IFT80: variants seen among roughly 807,000 people sequenced by gnomAD.
IFT80 encodes intraflagellar transport 80.
Under a neutral mutation model 107.9 loss-of-function variants are expected in IFT80, and 79 were observed. That is an observed-to-expected ratio of 0.73 (90% confidence interval 0.61 to 0.88). The LOEUF (loss-of-function observed/expected upper bound fraction) is 0.88, where lower values mean the gene tolerates loss of function less well. IFT80 is among the 40% of genes least tolerant of loss of function. The pLI, the probability that IFT80 is intolerant of heterozygous loss-of-function variation, is 0.00. For synonymous variants in IFT80, 299 were observed against 300.9 expected, an observed-to-expected ratio of 0.99 and a Z score of 0.07; for missense variants, 797 against 914.2, an observed-to-expected ratio of 0.87 and a Z score of 1.65.
At chr3:160,376,124 G>A (rs921110822) in intron 4 of IFT80, among the ~76,000 whole-genome samples, 2 of 152,124 alleles carry the variant, frequency 1.3e-5, no homozygotes, top group Non-Finnish European at 2.9e-5. Context: ...TAACTTTCAT[G>A]ACGAAAATTT....
chr3:160,277,732 G>T, intron 16 of IFT80, 62 bp from the exon 17 acceptor site: 1 of 1,075,490 alleles, frequency 9.3e-7, no homozygotes, highest in Non-Finnish European at 1.4e-6. Flanking sequence ...AAAATAAGCA[G>T]TGATTTAAAT....
At chr3:160,258,783 A>G in intron 19 of IFT80, 148 bp from the exon 20 acceptor site, 1 of 1,119,658 alleles carries the variant, frequency 8.9e-7, no homozygotes, top group Middle Eastern at 2.9e-4. Context: ...AGAAAAAGAG[A>G]GCATCAAAGT....
At chr3:160,298,629 A>T (rs1716174004) in intron 12 of IFT80, among the ~76,000 whole-genome samples, 1 of 152,208 alleles carries the variant, frequency 6.6e-6, no homozygotes, top group South Asian at 2.1e-4. Flanking sequence ...TTGGGAACAC[A>T]TATACTGCCA....
chr3:160,303,703 A>G (rs1716613139), intron 11 of IFT80, among the ~76,000 whole-genome samples: 1 of 152,228 alleles, frequency 6.6e-6, no homozygotes, highest in African/African-American at 2.4e-5. Flanking sequence ...TAATTTTCTA[A>G]GACTGTTAAG....
At chr3:160,354,110 A>G (rs532865992) in intron 8 of IFT80, among the ~76,000 whole-genome samples, 3 of 152,306 alleles carry the variant, frequency 2.0e-5, no homozygotes, top group East Asian at 1.9e-4. Context: ...ACTAAAATTG[A>G]CAATGTAAGA....
intron 9 of IFT80, among the ~76,000 whole-genome samples, chr3:160,313,729 C>T (rs1326711164): frequency 6.6e-6 from 1 of 151,794 alleles, no homozygotes; most frequent in African/African-American, 2.4e-5. Flanking sequence ...CCTGCCTCAG[C>T]CTTCTGAGTA....
At chr3:160,298,106 G>T (rs143136285) in intron 12 of IFT80, among the ~76,000 whole-genome samples, 1 of 152,034 alleles carries the variant, frequency 6.6e-6, no homozygotes, top group Non-Finnish European at 1.5e-5. Context: ...ACCAAAAGGG[G>T]TACTCAAACC....
In IFT80 at chr3:160,310,966, A is replaced by AT. The variant is rs1384647280; in HGVS notation, c.958-3186_958-3185insA. ...GAGACCCTGTCTCTACAAAAAACAA[A>AT]CAAAAAAAATTAGCTAGGTGTGGTG... On this transcript the variant is annotated intron_variant, in intron 9 of 19. Transcript: ENST00000326448. Among the ~76,000 whole-genome samples the AT allele has an allele frequency of 2.6e-5, 4 of 152,074 alleles. No individual in the cohort carries two copies. The East Asian group carries it at 7.7e-4, about 29-fold the overall frequency.
At chr3:160,393,115 T>C (rs1466808617) in intron 1 of IFT80, among the ~76,000 whole-genome samples, 1 of 152,150 alleles carries the variant, frequency 6.6e-6, no homozygotes, top group Non-Finnish European at 1.5e-5. Context: ...CTGAACACTC[T>C]TCAGTGGCTT....
chr3:160,397,053 G>T (rs1392551919), intron 1 of IFT80, among the ~76,000 whole-genome samples: 1 of 152,078 alleles, frequency 6.6e-6, no homozygotes, highest in East Asian at 1.9e-4. Flanking sequence ...GTGACTTATC[G>T]TTCTTCCTAT....
intron 13 of IFT80, among the ~76,000 whole-genome samples, chr3:160,284,973 T>C (rs1296811478): frequency 6.6e-6 from 1 of 152,138 alleles, no homozygotes; most frequent in Non-Finnish European, 1.5e-5. Context: ...ATAGGTATAG[T>C]AGGGAGACTA....
At position 160,281,786 on chromosome 3, in the gene IFT80, C is replaced by T. The variant is rs565789087; in HGVS notation, c.1516+692G>A. Among the ~76,000 whole-genome samples the T allele has an allele frequency of 1.4e-4, 21 of 152,182 alleles. No individual in the cohort carries two copies. In the South Asian group the frequency reaches 3.5e-3, roughly 26 times the overall value. On this transcript the variant is annotated intron_variant, in intron 14 of 19. Transcript: ENST00000326448. The stretch of plus-strand genomic sequence containing the variant: ...TTAGTAAACACACTGTGCATGTGGC[C>T]CCTCCCAGGTGTTGGCAGGCCACTA...
chr3:160,349,294 C>T (rs571350239), intron 8 of IFT80, among the ~76,000 whole-genome samples: 1 of 151,784 alleles, frequency 6.6e-6, no homozygotes, highest in Non-Finnish European at 1.5e-5. Context: ...ATAAAAAATG[C>T]AAAAATTCGC....
chr3:160,296,835 C>T (rs1399269693), intron 12 of IFT80, among the ~76,000 whole-genome samples: 1 of 152,126 alleles, frequency 6.6e-6, no homozygotes, highest in Non-Finnish European at 1.5e-5. Context: ...TTCTAACTAT[C>T]CTCTCTGTCT....
At chr3:160,349,022 C>A (rs913085450) in intron 8 of IFT80, among the ~76,000 whole-genome samples, 1 of 151,902 alleles carries the variant, frequency 6.6e-6, no homozygotes, top group African/African-American at 2.4e-5. Flanking sequence ...GTTGCACAAC[C>A]CTATGAATAT....
chr3:160,277,974 T>C (rs1714396359), intron 16 of IFT80, among the ~76,000 whole-genome samples: 1 of 152,182 alleles, frequency 6.6e-6, no homozygotes, highest in African/African-American at 2.4e-5. Flanking sequence ...TGTCAAAAAA[T>C]GTAATTTATA....
At chr3:160,312,769 TTATATATAAATATATAATA>T (rs1329422106) in intron 9 of IFT80, among the ~76,000 whole-genome samples, 10 of 32,818 alleles carry the variant, frequency 3.0e-4, no homozygotes, top group African/African-American at 9.8e-4. Flanking sequence ...TAAATGTATA[TTATATATAAATATATAATA>T]TATATATAAT....
chr3:160,304,809 T>C (rs114535989), intron 10 of IFT80, among the ~76,000 whole-genome samples: 1,810 of 152,264 alleles, frequency 0.012, 15 homozygotes, highest in Middle Eastern at 0.037. Context: ...ATGACTTACA[T>C]TTTGTCTGGC....
intron 11 of IFT80, 117 bp from the exon 12 acceptor site, chr3:160,301,163 A>T (rs1030304983): frequency 1.0e-6 from 1 of 980,540 alleles, no homozygotes; most frequent in Non-Finnish European, 1.5e-6. Flanking sequence ...ATTAATGTAA[A>T]TGTGTAGATA....
Sources: gnomAD v4.1 joint callset for allele counts (sites outside exome capture counted in the v4.1 genomes callset) on GRCh38, gnomAD v4.1.1 for gene constraint, MANE v1.5 for transcripts, NCBI Gene and HGNC (gene_info 2026-07-23, HGNC 2026-07-21) for gene names.